The following NRG1 variants were observed in gnomAD, a reference collection of about 807,000 sequenced individuals.
The protein encoded by NRG1 is pro-neuregulin-1, membrane-bound isoform.
NRG1 carries 18 observed loss-of-function variants against 63.8 expected under a neutral mutation model. That is an observed-to-expected ratio of 0.28 (90% CI 0.19 to 0.42). The LOEUF is 0.42. Among genes scored for constraint, NRG1 ranks in the 10% least tolerant of loss-of-function variants. The probability of loss-of-function intolerance (pLI) is 1.00; values close to 1 mark genes in which losing one functional copy is unlikely to be tolerated. For synonymous variants in NRG1, 302 were observed against 301.3 expected, an observed-to-expected ratio of 1.00 and a Z score of -0.02; for missense variants, 762 against 814.7, an observed-to-expected ratio of 0.94 and a Z score of 0.79.
At chr8:32,071,343 A>T (rs538998098) in intron 1 of NRG1, among the ~76,000 whole-genome samples, 1 of 152,288 alleles carries the variant, frequency 6.6e-6, no homozygotes, top group East Asian at 1.9e-4. Context: ...GCAGTCGTAG[A>T]GTATTCTGGT....
intron 1 of NRG1, among the ~76,000 whole-genome samples, chr8:32,035,071 A>G (rs538086326): frequency 1.4e-4 from 21 of 152,084 alleles, no homozygotes; most frequent in African/African-American, 4.3e-4. Context: ...TAGCTTTTCA[A>G]TGTGGGCATT....
chr8:32,631,891 G>A (rs1025934079), intron 5 of NRG1, among the ~76,000 whole-genome samples: 1 of 151,828 alleles, frequency 6.6e-6, no homozygotes, highest in Non-Finnish European at 1.5e-5. Context: ...TTTTGGGGGT[G>A]GACACACTTG....
At chr8:31,712,506 A>AT (rs1226452476) in intron 1 of NRG1, among the ~76,000 whole-genome samples, 1 of 151,868 alleles carries the variant, frequency 6.6e-6, no homozygotes, top group African/African-American at 2.4e-5. Context: ...CTGACCTTGT[A>AT]ATCCACCTGC....
chr8:32,748,339 GCACACA>G (rs879033032), intron 7 of NRG1, among the ~76,000 whole-genome samples: 1 of 128,356 alleles, frequency 7.8e-6, no homozygotes, highest in South Asian at 2.9e-4. Flanking sequence ...GCGCGCGCGC[GCACACA>G]CACACACACA....
chr8:32,151,466 A>G (rs1216106963), intron 1 of NRG1, among the ~76,000 whole-genome samples: 2 of 152,120 alleles, frequency 1.3e-5, no homozygotes, highest in African/African-American at 2.4e-5. Context: ...GAATTGGGAA[A>G]GTGAGTCTGG....
intron 6 of NRG1, among the ~76,000 whole-genome samples, chr8:32,730,882 A>G (rs1474223837): frequency 6.6e-6 from 1 of 152,178 alleles, no homozygotes; most frequent in Admixed American, 6.6e-5. Flanking sequence ...TCTCCTTGAA[A>G]AAGCATTTAA....
intron 1 of NRG1, among the ~76,000 whole-genome samples, chr8:32,057,708 C>T (rs776451736): frequency 8.5e-5 from 13 of 152,058 alleles, no homozygotes; most frequent in Admixed American, 6.6e-4. Flanking sequence ...TTCACTTTTC[C>T]TGTGTAAGTA....
chr8:32,196,943 C>CTTTTTTTTTTTTTTT lies in NRG1; in HGVS notation c.38-398865_38-398851dup, dbSNP rs773398472. ...CTACCAGGCCTGTTCTCAGAACATT[C>CTTTTTTTTTTTTTTT]TTTTTTTTTTTTTTTTTTTTTTTTT... is the stretch of plus-strand genomic sequence containing the variant. On this transcript the variant is annotated intron_variant, in intron 1 of 10. Transcript: ENST00000519301. Among the ~76,000 whole-genome samples, 100 of 27,440 alleles carry CTTTTTTTTTTTTTTT rather than the reference C, an allele frequency of 3.6e-3. 41 individuals carry two copies. Among genetic ancestry groups the CTTTTTTTTTTTTTTT allele is most frequent in the Middle Eastern group, 0.031 (1 of 32 alleles). The allele number at this position is 27,440 out of a possible 152,430, so 18.0% of individuals were successfully genotyped here. A position where few individuals can be genotyped will look rare whatever the true frequency, so the allele number is the denominator to read the frequency against.
intron 1 of NRG1, among the ~76,000 whole-genome samples, chr8:32,295,391 G>A (rs921140515): frequency 6.6e-6 from 1 of 152,138 alleles, no homozygotes; most frequent in African/African-American, 2.4e-5. Context: ...TGATGAAACT[G>A]AAAGTGGATT....
intron 1 of NRG1, among the ~76,000 whole-genome samples, chr8:31,794,068 A>C (rs974182581): frequency 3.9e-5 from 6 of 152,188 alleles, no homozygotes; most frequent in Non-Finnish European, 5.9e-5. Context: ...GCAGATTTTA[A>C]AGTAAAACCA....
chr8:31,991,554 G>A (rs1356004260), intron 1 of NRG1, among the ~76,000 whole-genome samples: 1 of 151,844 alleles, frequency 6.6e-6, no homozygotes, highest in Non-Finnish European at 1.5e-5. Flanking sequence ...TATTTGATAT[G>A]AGTGCTAGGA....
chr8:32,075,651 CTTTTTTTTTTTTTTTTTTTTT>C (rs200354474), intron 1 of NRG1, among the ~76,000 whole-genome samples: 1 of 150,296 alleles, frequency 6.7e-6, no homozygotes, highest in African/African-American at 2.5e-5. Context: ...ATATTTTAAC[CTTTTTTTTTTTTTTTTTTTTT>C]TTTTTTTTTT....
chr8:31,653,349 A>G (rs757691486), intron 1 of NRG1, among the ~76,000 whole-genome samples: 2 of 152,098 alleles, frequency 1.3e-5, no homozygotes, highest in Non-Finnish European at 2.9e-5. Flanking sequence ...TAACTGCAGT[A>G]ACCGATGATA....
intron 1 of NRG1, among the ~76,000 whole-genome samples, chr8:31,970,263 G>T (rs893353698): frequency 1.3e-5 from 2 of 152,136 alleles, no homozygotes; most frequent in Non-Finnish European, 2.9e-5. Flanking sequence ...ATATAATAAA[G>T]AAGGACTAAA....
chr8:32,263,180 T>A (rs1850570088), intron 1 of NRG1, among the ~76,000 whole-genome samples: 1 of 152,172 alleles, frequency 6.6e-6, no homozygotes, highest in South Asian at 2.1e-4. Context: ...TGTAAACACA[T>A]CATATCATTT....
At chr8:31,822,584 A>T (rs898309240) in intron 1 of NRG1, among the ~76,000 whole-genome samples, 1 of 152,182 alleles carries the variant, frequency 6.6e-6, no homozygotes, top group African/African-American at 2.4e-5. Flanking sequence ...TAAAAGGCAA[A>T]GTGTTTTTAG....
chr8:32,161,276 CA>C (rs1270736535), intron 1 of NRG1, among the ~76,000 whole-genome samples: 4 of 151,940 alleles, frequency 2.6e-5, no homozygotes, highest in Non-Finnish European at 4.4e-5. Flanking sequence ...AATGAATAAA[CA>C]ATGAGAAATG....
At chr8:31,727,421 G>A (rs910133595) in intron 1 of NRG1, among the ~76,000 whole-genome samples, 10 of 152,146 alleles carry the variant, frequency 6.6e-5, no homozygotes, top group Non-Finnish European at 1.2e-4. Flanking sequence ...TCTGTGATGA[G>A]ACAACCAGAG....
At chr8:32,532,957 C>G (rs1002569715) in intron 1 of NRG1, among the ~76,000 whole-genome samples, 2 of 150,938 alleles carry the variant, frequency 1.3e-5, no homozygotes, top group Admixed American at 6.6e-5. Context: ...TTTTAATATT[C>G]ATGTGTATGT....
Sources: allele counts gnomAD v4.1 joint callset (sites outside exome capture counted in the v4.1 genomes callset), GRCh38; gene constraint gnomAD v4.1.1; transcripts MANE v1.5; gene names NCBI Gene and HGNC (gene_info 2026-07-23, HGNC 2026-07-21).